Variants in PRKG1 observed in about 807,000 individuals in gnomAD.
PRKG1 encodes the protein cGMP-dependent protein kinase 1.
Under a neutral mutation model 88.1 loss-of-function variants are expected in PRKG1, and 35 were observed. That is an observed-to-expected ratio of 0.40 (90% CI 0.30 to 0.53). The LOEUF (loss-of-function observed/expected upper bound fraction) is 0.53. Among genes scored for constraint, PRKG1 ranks in the 20% least tolerant of loss-of-function variants. The pLI, the probability that PRKG1 is intolerant of heterozygous loss-of-function variation, is 0.59. For synonymous variants in PRKG1, 303 were observed against 292.5 expected (o/e 1.04, Z -0.37); for missense variants, 540 against 839.8 (o/e 0.64, Z 4.41).
chr10:51,515,336 AT>A (rs1287160551), intron 3 of PRKG1, among the ~76,000 whole-genome samples: 23 of 152,216 alleles, frequency 1.5e-4, no homozygotes, highest in African/African-American at 5.3e-4. Flanking sequence ...TAGGTGGATC[AT>A]TTTTATCGAT....
chr10:51,066,103 T>C (rs1313280291), intron 1 of PRKG1, among the ~76,000 whole-genome samples: 1 of 152,000 alleles, frequency 6.6e-6, no homozygotes, highest in African/African-American at 2.4e-5. Flanking sequence ...AGAATTCCCA[T>C]TGGAAGCTAT....
chr10:50,991,727 G>C lies in PRKG1; in HGVS notation c.266+83G>C. The C allele has an allele frequency of 2.8e-6, 3 of 1,071,660 alleles. No homozygotes were observed. The highest frequency in any genetic ancestry group is 2.3e-6 in the Non-Finnish European group (2 of 877,412). The allele number at this position is 1,071,660 out of a possible 1,614,324, so 66.4% of individuals were successfully genotyped here. A position where few individuals can be genotyped will look rare whatever the true frequency, so the allele number is the denominator to read the frequency against. On this transcript the variant is annotated intron_variant, in intron 1 of 17. Transcript: ENST00000401604. This position sits in a 1 kb window ranked among gnomAD's most constrained non-coding sequence, Gnocchi z 4.5. ...GGGCTCTGGCCGCGGCGGCGGGGGC[G>C]GGTCGGCCCAGGGCGCCCCCTGCTC...
At chr10:51,316,730 C>T (rs891146713) in intron 2 of PRKG1, among the ~76,000 whole-genome samples, 3 of 148,248 alleles carry the variant, frequency 2.0e-5, no homozygotes, top group African/African-American at 2.4e-5. Flanking sequence ...AAATGAATTG[C>T]GATAATGGTA....
At chr10:51,959,374 C>T (rs146284238) in intron 5 of PRKG1, among the ~76,000 whole-genome samples, 2 of 152,034 alleles carry the variant, frequency 1.3e-5, no homozygotes, top group Admixed American at 6.6e-5. Flanking sequence ...GTTTGTGAAA[C>T]CTATCAAAGA....
intron 1 of PRKG1, among the ~76,000 whole-genome samples, chr10:51,100,123 G>T (rs1285807275): frequency 2.6e-5 from 4 of 151,988 alleles, no homozygotes; most frequent in Admixed American, 2.6e-4. Context: ...TGAACCCCTG[G>T]CATTAAGTAG....
At chr10:51,190,530 AG>A (rs1375130077) in intron 2 of PRKG1, among the ~76,000 whole-genome samples, 1 of 151,910 alleles carries the variant, frequency 6.6e-6, no homozygotes, top group Non-Finnish European at 1.5e-5. Context: ...AGTGGAAGAC[AG>A]GAAGATAGGC....
chr10:52,106,374 G>A (rs185909889), intron 7 of PRKG1, among the ~76,000 whole-genome samples: 1 of 152,076 alleles, frequency 6.6e-6, no homozygotes, highest in Non-Finnish European at 1.5e-5. Context: ...AAGTGTGTCC[G>A]ATGTGATATT....
At chr10:52,169,388 C>T (rs973505372) in intron 9 of PRKG1, among the ~76,000 whole-genome samples, 1 of 152,096 alleles carries the variant, frequency 6.6e-6, no homozygotes, top group African/African-American at 2.4e-5. Context: ...TCACTGTAAC[C>T]TCACATGGCA....
chr10:51,938,695 G>A (rs964183318), intron 5 of PRKG1, among the ~76,000 whole-genome samples: 1 of 151,780 alleles, frequency 6.6e-6, no homozygotes, highest in Non-Finnish European at 1.5e-5. Context: ...TGTGACATCA[G>A]GGGTATCCCT....
chr10:51,040,122 G>T (rs1327658091), intron 1 of PRKG1, among the ~76,000 whole-genome samples: 1 of 151,706 alleles, frequency 6.6e-6, no homozygotes, highest in Non-Finnish European at 1.5e-5. Flanking sequence ...GAATGTCATT[G>T]GTATTTTGAT....
chr10:51,172,686 A>G (rs1383866630), intron 2 of PRKG1, among the ~76,000 whole-genome samples: 1 of 111,254 alleles, frequency 9.0e-6, no homozygotes, highest in African/African-American at 3.3e-5. Context: ...CTATCTATCT[A>G]TCTATCTATC....
intron 3 of PRKG1, among the ~76,000 whole-genome samples, chr10:51,800,814 A>G (rs1284434714): frequency 1.3e-5 from 2 of 151,858 alleles, no homozygotes; most frequent in Non-Finnish European, 2.9e-5. Context: ...CTCTTTTTCT[A>G]AGGACACTAA....
At chr10:51,514,468 A>G (rs1841517466) in intron 3 of PRKG1, among the ~76,000 whole-genome samples, 1 of 152,210 alleles carries the variant, frequency 6.6e-6, no homozygotes, top group Admixed American at 6.5e-5. Flanking sequence ...GTCACCACCT[A>G]AGTAAGATAT....
chr10:51,725,801 T>C (rs1842118126), intron 3 of PRKG1, among the ~76,000 whole-genome samples: 1 of 151,958 alleles, frequency 6.6e-6, no homozygotes, highest in African/African-American at 2.4e-5. Context: ...GCCTGGCTAA[T>C]TTTTGTATTT....
intron 2 of PRKG1, among the ~76,000 whole-genome samples, chr10:51,388,860 T>C (rs1285687288): frequency 6.6e-6 from 1 of 152,244 alleles, no homozygotes; most frequent in East Asian, 1.9e-4. Context: ...TCTAGTTTTT[T>C]GGTTGCTAGT....
At chr10:51,333,236 A>G (rs1267857457) in intron 2 of PRKG1, among the ~76,000 whole-genome samples, 1 of 152,226 alleles carries the variant, frequency 6.6e-6, no homozygotes, top group Non-Finnish European at 1.5e-5. Flanking sequence ...TATCTACTCA[A>G]TGTGTGACAC....
chr10:51,212,382 A>G (rs1406124669), intron 2 of PRKG1, among the ~76,000 whole-genome samples: 2 of 152,202 alleles, frequency 1.3e-5, no homozygotes, highest in Admixed American at 1.3e-4. Flanking sequence ...AACTTAGGCA[A>G]TACCATTCAG....
At chr10:51,921,253 A>G (rs1314180720) in intron 5 of PRKG1, among the ~76,000 whole-genome samples, 2 of 152,146 alleles carry the variant, frequency 1.3e-5, no homozygotes, top group Non-Finnish European at 2.9e-5. Context: ...ACTTTTATAT[A>G]TTAACCTTGT....
At chr10:51,410,654 A>T (rs1838058847) in intron 2 of PRKG1, among the ~76,000 whole-genome samples, 2 of 152,288 alleles carry the variant, frequency 1.3e-5, no homozygotes, top group South Asian at 4.1e-4. Context: ...CCAGTTGCTC[A>T]TTATTAATCA....
Sources: allele counts gnomAD v4.1 joint callset (sites outside exome capture counted in the v4.1 genomes callset), GRCh38; gene constraint gnomAD v4.1.1; non-coding constraint Gnocchi (gnomAD v3.1); transcripts MANE v1.5; gene names NCBI Gene and HGNC (gene_info 2026-07-23, HGNC 2026-07-21).